The following DAB1 variants were observed in gnomAD, a reference collection of about 807,000 sequenced individuals.
DAB1 encodes DAB adaptor protein 1, also known as disabled homolog 1.
A neutral mutation model predicts 64.6 loss-of-function variants in DAB1; 15 were observed. That is an observed-to-expected ratio of 0.23 (90% confidence interval 0.16 to 0.36). The LOEUF is 0.36. Among genes scored for constraint, DAB1 ranks in the 10% least tolerant of loss-of-function variants. The probability of loss-of-function intolerance (pLI) is 1.00; values close to 1 mark genes in which losing one functional copy is unlikely to be tolerated. For missense variants in DAB1, 596 were observed against 706.7 expected, an observed-to-expected ratio of 0.84 and a Z score of 1.78; for synonymous variants, 235 against 251.9, an observed-to-expected ratio of 0.93 and a Z score of 0.64.
At chr1:57,950,867 T>G (rs1645262625) in intron 5 of DAB1, among the ~76,000 whole-genome samples, 1 of 152,210 alleles carries the variant, frequency 6.6e-6, no homozygotes, top group East Asian at 1.9e-4. Flanking sequence ...TTCTGCCCTG[T>G]GGACTGATAT....
intron 1 of DAB1, among the ~76,000 whole-genome samples, chr1:57,839,198 T>TA (rs908795425): frequency 1.1e-4 from 17 of 152,212 alleles, no homozygotes; most frequent in Admixed American, 8.5e-4. Flanking sequence ...ATGAATCGGT[T>TA]AAAAAAATAA....
At chr1:57,353,111 C>G (rs1678725857) in intron 1 of DAB1, among the ~76,000 whole-genome samples, 1 of 93,534 alleles carries the variant, frequency 1.1e-5, no homozygotes. Context: ...ATATTTTTTT[C>G]CATACACACA....
intron 5 of DAB1, among the ~76,000 whole-genome samples, chr1:58,118,509 C>T (rs1355977519): frequency 1.2e-3 from 100 of 84,400 alleles, no homozygotes; most frequent in African/African-American, 4.1e-3. Flanking sequence ...TATATACACA[C>T]ACACACACAC....
chr1:57,514,327 T>C (rs11207050), intron 7 of DAB1, among the ~76,000 whole-genome samples: 10,667 of 152,280 alleles, frequency 0.07, 1,171 homozygotes, highest in African/African-American at 0.23. Flanking sequence ...TTCCCTTTTT[T>C]CCATGCCCAA....
At chr1:57,258,961 C>G (rs1000605657) in intron 2 of DAB1, among the ~76,000 whole-genome samples, 1 of 152,062 alleles carries the variant, frequency 6.6e-6, no homozygotes, top group Admixed American at 6.5e-5. Flanking sequence ...GTCTCATTTT[C>G]TCATGCAACA....
intron 4 of DAB1, among the ~76,000 whole-genome samples, chr1:57,127,400 C>G (rs1010267606): frequency 6.6e-6 from 1 of 152,234 alleles, no homozygotes; most frequent in African/African-American, 2.4e-5. Flanking sequence ...ACAAAGCACA[C>G]ATGTCACAGG....
intron 2 of DAB1, among the ~76,000 whole-genome samples, chr1:58,512,208 C>T (rs578154672): frequency 6.6e-6 from 1 of 152,098 alleles, no homozygotes; most frequent in South Asian, 2.1e-4. Context: ...GAAATATTAC[C>T]TTACACCTGT....
chr1:57,857,744 G>C (rs1653818465), intron 1 of DAB1, among the ~76,000 whole-genome samples: 1 of 151,598 alleles, frequency 6.6e-6, no homozygotes, highest in Non-Finnish European at 1.5e-5. Flanking sequence ...GTTAGGCTTA[G>C]GTTTTATAGA....
At chr1:57,967,068 C>T (rs969461697) in intron 5 of DAB1, among the ~76,000 whole-genome samples, 1 of 152,202 alleles carries the variant, frequency 6.6e-6, no homozygotes, top group African/African-American at 2.4e-5. Flanking sequence ...CATACACACA[C>T]ACACAAGAAT....
At chr1:58,345,116 C>A (rs1352543298) in intron 3 of DAB1, among the ~76,000 whole-genome samples, 4 of 152,188 alleles carry the variant, frequency 2.6e-5, no homozygotes, top group Non-Finnish European at 4.4e-5. Context: ...TATCAGTCTG[C>A]TGGTCAAAAG....
chr1:57,205,278 G>C (rs1221393314), intron 2 of DAB1, among the ~76,000 whole-genome samples: 2 of 152,210 alleles, frequency 1.3e-5, no homozygotes, highest in Admixed American at 6.5e-5. Context: ...TACCCCAGCA[G>C]TAATTGGCTG....
At chr1:57,249,840 A>G (rs745453059) in intron 2 of DAB1, among the ~76,000 whole-genome samples, 1 of 152,192 alleles carries the variant, frequency 6.6e-6, no homozygotes, top group Non-Finnish European at 1.5e-5. Flanking sequence ...TTCTGCCCAG[A>G]TATTTCCTCT....
chr1:58,514,913 C>G (rs1274019322), intron 2 of DAB1, among the ~76,000 whole-genome samples: 1 of 152,170 alleles, frequency 6.6e-6, no homozygotes, highest in Non-Finnish European at 1.5e-5. Flanking sequence ...CTTAACTCCT[C>G]CATCCCTCAG....
At chr1:58,226,636 A>T (rs1006093841) in intron 4 of DAB1, among the ~76,000 whole-genome samples, 6 of 152,252 alleles carry the variant, frequency 3.9e-5, no homozygotes, top group Admixed American at 1.3e-4. Context: ...CCTCAAAAGT[A>T]GCTGACATTT....
At chr1:57,137,689 G>C (rs1224773845) in intron 3 of DAB1, among the ~76,000 whole-genome samples, 1 of 152,170 alleles carries the variant, frequency 6.6e-6, no homozygotes, top group African/African-American at 2.4e-5. Flanking sequence ...CCAACTCTCA[G>C]CAGTTATGGT....
chr1:57,757,809 C>G (rs1468125645), intron 6 of DAB1, among the ~76,000 whole-genome samples: 2 of 152,090 alleles, frequency 1.3e-5, no homozygotes, highest in Non-Finnish European at 1.5e-5. Flanking sequence ...CTTGGAGACT[C>G]AGCTTCTTCA....
At chr1:57,234,369 G>A (rs1429676951) in intron 2 of DAB1, among the ~76,000 whole-genome samples, 1 of 152,114 alleles carries the variant, frequency 6.6e-6, no homozygotes, top group African/African-American at 2.4e-5. Context: ...CCTTGGGCAT[G>A]TTATTTAACC....
At position 58,256,959 on chromosome 1, in the gene DAB1, A is replaced by G. The variant is rs544742774; in HGVS notation, n.309+86393T>C. ...ATCTCTTGAGTTGTTGTACTGAACT[A>G]TAATTTGAAATTTTTATTGTTATTA... On this transcript the variant is annotated intron_variant and non_coding_transcript_variant, in intron 4 of 20. Coordinates refer to the DAB1 transcript ENST00000485760. Among the ~76,000 whole-genome samples, 11 of 152,376 alleles carry G rather than the reference A, an allele frequency of 7.2e-5. No homozygotes were observed. The East Asian group carries it at 2.1e-3, about 29-fold the overall frequency.
chr1:58,420,288 C>T (rs1644759888), intron 3 of DAB1, among the ~76,000 whole-genome samples: 1 of 152,136 alleles, frequency 6.6e-6, no homozygotes, highest in South Asian at 2.1e-4. Flanking sequence ...GTAATATTCT[C>T]TAAATCAGAA....
Sources: gnomAD v4.1 joint callset for allele counts (sites outside exome capture counted in the v4.1 genomes callset) on GRCh38, gnomAD v4.1.1 for gene constraint, MANE v1.5 for transcripts, NCBI Gene and HGNC (gene_info 2026-07-23, HGNC 2026-07-21) for gene names.